ATRNL1: variants seen among roughly 807,000 people sequenced by gnomAD.
ATRNL1 encodes attractin-like protein 1.
ATRNL1 carries 95 observed loss-of-function variants against 182.7 expected under a neutral mutation model. The observed-to-expected ratio is 0.52, with a 90% CI of 0.44 to 0.62. The LOEUF is 0.62. ATRNL1 is among the 20% of genes least tolerant of loss of function. The probability of loss-of-function intolerance (pLI) is 0.00; values close to 1 mark genes in which losing one functional copy is unlikely to be tolerated. For synonymous variants in ATRNL1, 576 were observed against 568.3 expected, an observed-to-expected ratio of 1.01 and a Z score of -0.19; for missense variants, 1,471 against 1,679.5, an observed-to-expected ratio of 0.88 and a Z score of 2.17.
chr10:115,619,683 A>G (rs1307826686), intron 26 of ATRNL1, among the ~76,000 whole-genome samples: 1 of 152,240 alleles, frequency 6.6e-6, no homozygotes, highest in African/African-American at 2.4e-5. Context: ...TCATTTGGAT[A>G]TGACCCAGAC....
At chr10:115,208,532 A>G (rs1388312352) in intron 8 of ATRNL1, among the ~76,000 whole-genome samples, 1 of 152,032 alleles carries the variant, frequency 6.6e-6, no homozygotes, top group Admixed American at 6.6e-5. Context: ...TAGTCTTGTT[A>G]GAGTGGATCC....
chr10:115,374,275 A>T (rs751687005), intron 19 of ATRNL1, among the ~76,000 whole-genome samples: 3 of 151,520 alleles, frequency 2.0e-5, no homozygotes, highest in Non-Finnish European at 4.4e-5. Flanking sequence ...AATTTTGTTT[A>T]TCTTTTCAAA....
At chr10:115,520,873 C>A (rs1850892128) in intron 25 of ATRNL1, among the ~76,000 whole-genome samples, 1 of 152,158 alleles carries the variant, frequency 6.6e-6, no homozygotes, top group Admixed American at 6.6e-5. Flanking sequence ...CAATCATGTT[C>A]ATCCATGCAC....
chr10:115,641,213 G>T lies in ATRNL1; in HGVS notation c.3796-86035G>T, dbSNP rs891191771. Among the ~76,000 whole-genome samples the T allele has an allele frequency of 7.2e-5, 11 of 152,242 alleles. No individual in the cohort carries two copies. The Middle Eastern group carries it at 0.01, about 141-fold the overall frequency. Reference sequence around the variant, plus strand: ...ATATAATTCATTATTGCAGATAGTTGTAACATTATATTAAAGCTTTTAAAA... The same window carrying T: ...ATATAATTCATTATTGCAGATAGTTTTAACATTATATTAAAGCTTTTAAAA... On this transcript the variant is annotated intron_variant, in intron 26 of 28. Transcript: ENST00000355044.
At chr10:115,837,582 G>C (rs1280400343) in intron 27 of ATRNL1, among the ~76,000 whole-genome samples, 1 of 149,570 alleles carries the variant, frequency 6.7e-6, no homozygotes, top group Non-Finnish European at 1.5e-5. Context: ...ATATTTTTCT[G>C]TTTGCTGTAT....
At chr10:115,374,114 AACTT>A (rs142242106) in intron 19 of ATRNL1, among the ~76,000 whole-genome samples, 3,097 of 151,786 alleles carry the variant, frequency 0.02, 99 homozygotes, top group African/African-American at 0.07. Context: ...TGTTTCTAGA[AACTT>A]ACTCATTTCT....
chr10:115,375,303 G>A (rs1172024436), intron 19 of ATRNL1, among the ~76,000 whole-genome samples: 1 of 151,458 alleles, frequency 6.6e-6, no homozygotes, highest in African/African-American at 2.4e-5. Context: ...GATCTCATTT[G>A]GTTATTCTTT....
intron 10 of ATRNL1, among the ~76,000 whole-genome samples, chr10:115,245,470 G>T (rs1361597798): frequency 2.4e-5 from 3 of 122,614 alleles, no homozygotes; most frequent in African/African-American, 9.7e-5. Context: ...TTGCACTCCA[G>T]CCTGCGCAAC....
At chr10:115,415,725 G>A (rs186824616) in intron 20 of ATRNL1, among the ~76,000 whole-genome samples, 4 of 151,614 alleles carry the variant, frequency 2.6e-5, no homozygotes, top group African/African-American at 7.2e-5. Context: ...GCTTCATTTA[G>A]AGTTTTATTT....
chr10:115,622,801 C>A (rs1465053729), intron 26 of ATRNL1, among the ~76,000 whole-genome samples: 3 of 152,066 alleles, frequency 2.0e-5, no homozygotes, highest in Non-Finnish European at 4.4e-5. Flanking sequence ...GTGGCGGGCG[C>A]CTGTAGTCCC....
rs553989309 is a variant in ATRNL1 at position 115,147,707 on chromosome 10, C to A, written c.830-12333C>A. Among the ~76,000 whole-genome samples, 4 of 152,046 alleles carry A rather than the reference C, an allele frequency of 2.6e-5. No individual in the cohort carries two copies. The South Asian group carries it at 6.3e-4, about 24-fold the overall frequency. ...ACATGTGAATATCCAGTATTCCCAGCACAATTTATTGAAGAGACTGTGCTT... is the reference window on the plus strand; with the variant it reads ...ACATGTGAATATCCAGTATTCCCAGAACAATTTATTGAAGAGACTGTGCTT... On this transcript the variant is annotated intron_variant, in intron 5 of 28. Transcript: ENST00000355044.
At chr10:115,199,683 G>A (rs1265826422) in intron 8 of ATRNL1, among the ~76,000 whole-genome samples, 1 of 152,194 alleles carries the variant, frequency 6.6e-6, no homozygotes, top group Non-Finnish European at 1.5e-5. Context: ...TAGCAACGGA[G>A]TTGTGGAGAC....
Position 115,120,189 on chromosome 10 carries a change from A to C in ATRNL1, c.298A>C (p.Thr100Pro). 2.0e-6 allele frequency: 3 copies of C among 1,527,636 alleles called. No individual in the cohort carries two copies. The highest frequency in any genetic ancestry group is 2.7e-6 in the Non-Finnish European group (3 of 1,107,310). 94.6% of individuals were successfully genotyped at this position (1,527,636 alleles called of 1,614,324 possible). ...CQHCQGRFKLTEPSGYLTDGP... is the reference protein window; with the variant it reads ...CQHCQGRFKLPEPSGYLTDGP... ...TTATTTTATTTTCTCTTCCAGGTTA[A>C]CAGAACCTTCTGGATATTTAACAGA... The change falls in exon 2 of 29, where the codon ACA (threonine) becomes CCA (proline). Residue 100 changes from threonine (T) to proline (P), a missense_variant. Thr to Pro is a conservative substitution (Grantham distance 38). Transcript: ENST00000355044.
intron 27 of ATRNL1, among the ~76,000 whole-genome samples, chr10:115,729,404 C>T (rs1184635147): frequency 6.6e-6 from 1 of 151,320 alleles, no homozygotes; most frequent in East Asian, 1.9e-4. Flanking sequence ...AAACTGTTAG[C>T]TTTTTTATTT....
At chr10:115,902,604 G>A (rs1282760826) in intron 28 of ATRNL1, among the ~76,000 whole-genome samples, 2 of 152,128 alleles carry the variant, frequency 1.3e-5, no homozygotes, top group Non-Finnish European at 1.5e-5. Context: ...ATGTCCCCAC[G>A]TTTTTGATGA....
chr10:115,365,284 C>T (rs1592529468), intron 19 of ATRNL1, among the ~76,000 whole-genome samples: 1 of 152,118 alleles, frequency 6.6e-6, no homozygotes, highest in Non-Finnish European at 1.5e-5. Flanking sequence ...TCCATTTCTT[C>T]TAGATTTTCT....
intron 26 of ATRNL1, among the ~76,000 whole-genome samples, chr10:115,619,409 G>A (rs1180550334): frequency 6.6e-6 from 1 of 152,106 alleles, no homozygotes; most frequent in Non-Finnish European, 1.5e-5. Context: ...GAAGTGGACT[G>A]TGTGCCCTGA....
chr10:115,873,652 G>A lies in ATRNL1; in HGVS notation c.4018+25661G>A, dbSNP rs183250021. On this transcript the variant is annotated intron_variant, in intron 28 of 28. Transcript: ENST00000355044. ...TTGGGCCAGAAGGAGAAGACACCTC[G>A]TTTCTCCAAAGCTTTTGTCTGTGAT... Among the ~76,000 whole-genome samples the A allele has an allele frequency of 7.7e-3, 1,167 of 152,204 alleles. 7 individuals carry two copies. The highest frequency in any genetic ancestry group is 0.012 in the Non-Finnish European group (792 of 68,018).
At chr10:115,778,425 A>G (rs1466412403) in intron 27 of ATRNL1, among the ~76,000 whole-genome samples, 1 of 152,232 alleles carries the variant, frequency 6.6e-6, no homozygotes, top group Non-Finnish European at 1.5e-5. Flanking sequence ...GTTTTCTTAT[A>G]GTTGTATAAA....
Sources: allele counts gnomAD v4.1 joint callset (sites outside exome capture counted in the v4.1 genomes callset), GRCh38; gene constraint gnomAD v4.1.1; transcripts MANE v1.5; gene names NCBI Gene and HGNC (gene_info 2026-07-23, HGNC 2026-07-21).